Variants in GSDMD observed in about 807,000 individuals in gnomAD.
GSDMD encodes gasdermin D, also known as gasdermin-D.
GSDMD carries 46 observed loss-of-function variants against 46.7 expected under a neutral mutation model. The ratio of observed to expected loss-of-function variants is 0.99; its 90% CI spans 0.78 to 1.26. GSDMD has a LOEUF of 1.26. Ranked by LOEUF, GSDMD falls within the 50% of genes most tolerant of loss-of-function variation. The pLI is 0.00. For missense variants in GSDMD, 649 were observed against 638.8 expected, an observed-to-expected ratio of 1.02 and a Z score of -0.17; for synonymous variants, 307 against 283.1, an observed-to-expected ratio of 1.08 and a Z score of -0.85.
chr8:143,555,661 G>A (rs578109157), upstream of GSDMD, among the ~76,000 whole-genome samples: 54 of 152,314 alleles, frequency 3.5e-4, no homozygotes, highest in Middle Eastern at 3.4e-3. Flanking sequence ...ACCCCAGGGC[G>A]CTGGCTTCCA....
chr8:143,555,000 G>C (rs1013478688), upstream of GSDMD: 2 of 152,282 alleles, frequency 1.3e-5, no homozygotes, highest in African/African-American at 4.8e-5. Flanking sequence ...GTACACAGCA[G>C]TTCTGGGTTT....
upstream of GSDMD, among the ~76,000 whole-genome samples, chr8:143,554,698 C>T (rs1372547145): frequency 6.6e-6 from 1 of 151,718 alleles, no homozygotes; most frequent in East Asian, 1.9e-4. Context: ...CACGTGCAAG[C>T]ACCCGCATAC....
At position 143,560,714 on chromosome 8, in the gene GSDMD, C is replaced by T; in HGVS notation, c.522C>T (p.Arg174=). ...CACAGAAGGAGGTGGAAGTCACGCG[C>T]ACCCACAAGCGGGAGGGCTCGGGCC... ...LQTQKEVEVT[R]THKREGSGRF... Residue 174 remains arginine, a synonymous_variant, in exon 4 of 11, where the codon CGC becomes CGT. Coordinates refer to ENST00000262580, the MANE Select transcript of GSDMD (RefSeq NM_024736.7). 2 of 1,575,758 alleles carry T rather than the reference C, an allele frequency of 1.3e-6. No individual in the cohort carries two copies. Among genetic ancestry groups the T allele is most frequent in the Middle Eastern group, 3.3e-4 (2 of 5,980 alleles).
At position 143,562,826 on chromosome 8, in the gene GSDMD, G is replaced by A. The variant is rs1296824403; in HGVS notation, c.1377G>A (p.Glu459=). 1 of 1,609,476 alleles carries A rather than the reference G, an allele frequency of 6.2e-7. No individual in the cohort carries two copies. The highest frequency in any genetic ancestry group is 8.5e-7 in the Non-Finnish European group (1 of 1,178,556). Reference sequence around the variant, plus strand: ...AGGACACTCCCCACGTGTGCTGGGAGCCGCAGGCCCAGGGCCGCATGTGTG... The same window carrying A: ...AGGACACTCCCCACGTGTGCTGGGAACCGCAGGCCCAGGGCCGCATGTGTG... ...LGEDTPHVCW[E]PQAQGRMCAL... is the part of the protein sequence containing the mutation. The change falls in exon 11 of 11, where the codon GAG becomes GAA. Residue 459 remains glutamate, a synonymous_variant. Transcript: ENST00000262580.
upstream of GSDMD, among the ~76,000 whole-genome samples, chr8:143,554,886 C>T (rs1823274803): frequency 6.6e-6 from 1 of 152,272 alleles, no homozygotes; most frequent in Non-Finnish European, 1.5e-5. Flanking sequence ...TAATGGGCTC[C>T]AGCTGGACCA....
chr8:143,556,236 C>T (rs772304741), upstream of GSDMD, among the ~76,000 whole-genome samples: 4 of 151,828 alleles, frequency 2.6e-5, no homozygotes, highest in South Asian at 2.1e-4. Flanking sequence ...CAAAATTAGC[C>T]GGGTGTGGTG....
chr8:143,562,991 G>A lies in GSDMD; in HGVS notation c.*87G>A. 1 of 1,558,404 alleles carries A rather than the reference G, an allele frequency of 6.4e-7. No homozygotes were observed. Among genetic ancestry groups the A allele is most frequent in the Non-Finnish European group, 8.7e-7 (1 of 1,148,134 alleles). ...TAGCCCTAGGAAGGCCAGGAGCCCA[G>A]TAGCCATGTGGCCAGTCTACCATGG... On this transcript the variant is annotated 3_prime_UTR_variant, in exon 11 of 11. Transcript: ENST00000262580.
At chr8:143,558,300 C>G (rs991741814), upstream of GSDMD, 2 of 1,508,492 alleles carry the variant, frequency 1.3e-6, no homozygotes, top group Non-Finnish European at 1.8e-6. Flanking sequence ...GCGGGCTCTC[C>G]GGGACGGTTC....
At chr8:143,554,029 G>C (rs1316854483), upstream of GSDMD, among the ~76,000 whole-genome samples, 2 of 113,482 alleles carry the variant, frequency 1.8e-5, 1 homozygote, top group African/African-American at 5.3e-5. Context: ...GCCGGTGTCT[G>C]GGAGGGGCCT....
intron 3 of GSDMD, chr8:143,560,246 C>G (rs143991540): frequency 1.2e-5 from 8 of 687,284 alleles, no homozygotes; most frequent in Middle Eastern, 2.3e-4. Flanking sequence ...GCGCTGTGGC[C>G]GGAACCAGCT....
At chr8:143,562,425 C>G in intron 9 of GSDMD, 23 bp from the exon 10 acceptor site, 5 of 1,599,086 alleles carry the variant, frequency 3.1e-6, no homozygotes, top group Non-Finnish European at 4.3e-6. Context: ...TCAGAAACCC[C>G]CTTTTACCTG....
At chr8:143,561,206 T>C in intron 5 of GSDMD, 102 bp downstream of exon 5, 1 of 1,277,006 alleles carries the variant, frequency 7.8e-7, no homozygotes. Flanking sequence ...GGCCCCTGGC[T>C]GAACAACGTC....
chr8:143,559,280 T>TACCCCC, intron 1 of GSDMD, 52 bp from the exon 2 acceptor site: 6 of 579,430 alleles, frequency 1.0e-5, no homozygotes, highest in Non-Finnish European at 1.6e-5. Flanking sequence ...CTTCTCCCAC[T>TACCCCC]CCCTCCCGCC....
Position 143,562,116 on chromosome 8 carries a change from A to G in GSDMD, c.981A>G (p.Arg327=). 6.3e-7 allele frequency: 1 copy of G among 1,597,880 alleles called. No individual in the cohort carries two copies. Among genetic ancestry groups the G allele is most frequent in the Non-Finnish European group, 8.5e-7 (1 of 1,178,294 alleles). Residue 327 remains arginine, a synonymous_variant, in exon 8 of 11, where the codon CGA becomes CGG. Coordinates refer to ENST00000262580, the MANE Select transcript of GSDMD (RefSeq NM_024736.7). ...TGCTGCGGGACCAGCTGGCCCTGCG[A>G]GCCTTGGAGGAGGCGGTGAGCGGGG... ...EGVLRDQLAL[R]ALEEALEQGQ...
chr8:143,559,150 T>C (rs770163974), intron 1 of GSDMD, 182 bp from the exon 2 acceptor site: 251 of 603,628 alleles, frequency 4.2e-4, no homozygotes, highest in Non-Finnish European at 2.8e-4. Context: ...ACTGTAATTC[T>C]GTGTTGGGGA....
rs770711824 is a variant in GSDMD at position 143,561,757 on chromosome 8, C to A, written c.752C>A (p.Thr251Lys). The A allele has an allele frequency of 1.9e-6, 3 of 1,608,448 alleles. No homozygotes were observed. Among genetic ancestry groups the A allele is most frequent in the African/African-American group, 1.3e-5 (1 of 74,914 alleles). ...QPPATGHKRSTSEGAWPQLPS... is the reference protein window; with the variant it reads ...QPPATGHKRSKSEGAWPQLPS... ...CCCTGCCCAGGCCACAAGCGTTCCACGAGCGAAGGCGCCTGGCCACAGCTG... is the reference window on the plus strand; with the variant it reads ...CCCTGCCCAGGCCACAAGCGTTCCAAGAGCGAAGGCGCCTGGCCACAGCTG... Residue 251 changes from threonine to lysine, a missense_variant, in exon 7 of 11, where the codon ACG becomes AAG. Thr to Lys is a moderately conservative substitution (Grantham distance 78). Transcript: ENST00000262580.
At chr8:143,557,403 C>T (rs1326298364), upstream of GSDMD, among the ~76,000 whole-genome samples, 1 of 124,612 alleles carries the variant, frequency 8.0e-6, no homozygotes, top group Non-Finnish European at 1.8e-5. Context: ...GCTGTGACGA[C>T]AGCTGCTGCC....
intron 3 of GSDMD, 162 bp downstream of exon 3, chr8:143,560,131 C>T: frequency 1.3e-6 from 1 of 750,624 alleles, no homozygotes; most frequent in Non-Finnish European, 2.4e-6. Context: ...GCCTCGGCCT[C>T]CCAAAGTGCT....
upstream of GSDMD, among the ~76,000 whole-genome samples, chr8:143,556,998 C>T (rs554708406): frequency 1.6e-4 from 24 of 152,378 alleles, 1 homozygote; most frequent in East Asian, 5.8e-4. Context: ...CAGCAACCGT[C>T]GCTCCCAACC....
Sources: allele counts gnomAD v4.1 joint callset (sites outside exome capture counted in the v4.1 genomes callset), GRCh38; gene constraint gnomAD v4.1.1; transcripts MANE v1.5; gene names NCBI Gene and HGNC (gene_info 2026-07-23, HGNC 2026-07-21).